The following NPFFR2 variants were observed in gnomAD, a reference collection of about 807,000 sequenced individuals.
NPFFR2 encodes G-protein coupled receptor 74.
In NPFFR2, 15 loss-of-function variants were observed where a neutral mutation model predicts 13.1. That is an observed-to-expected ratio of 1.15 (90% CI 0.77 to 1.76). NPFFR2 has a LOEUF of 1.76. Among genes scored for constraint, NPFFR2 ranks in the 40% most tolerant of loss-of-function variants. The pLI, the probability that NPFFR2 is intolerant of heterozygous loss-of-function variation, is 0.00. For synonymous variants in NPFFR2, 190 were observed against 175.7 expected, an observed-to-expected ratio of 1.08 and a Z score of -0.65; for missense variants, 572 against 503.5, an observed-to-expected ratio of 1.14 and a Z score of -1.30.
chr4:72,034,869 C>A (rs937501728), intron 1 of NPFFR2, among the ~76,000 whole-genome samples: 3 of 152,178 alleles, frequency 2.0e-5, no homozygotes, highest in African/African-American at 7.2e-5. Flanking sequence ...CTATAGCAGA[C>A]AGCTGTTTAG....
chr4:72,077,944 C>A (rs1018638022), intron 1 of NPFFR2, among the ~76,000 whole-genome samples: 1 of 152,024 alleles, frequency 6.6e-6, no homozygotes, highest in Non-Finnish European at 1.5e-5. Context: ...TTTTAAAGGT[C>A]ATTTATGTTG....
chr4:72,129,286 G>A (rs1722164941), intron 2 of NPFFR2, among the ~76,000 whole-genome samples: 1 of 150,220 alleles, frequency 6.7e-6, no homozygotes, highest in Admixed American at 6.6e-5. Flanking sequence ...CGAGAGATTT[G>A]GAAAAGAAAA....
At position 72,067,989 on chromosome 4, in the gene NPFFR2, C is replaced by G. The variant is rs187223049; in HGVS notation, c.-8+35789C>G. Among the ~76,000 whole-genome samples, 343 of 152,296 alleles carry G rather than the reference C, an allele frequency of 2.3e-3. 4 individuals are homozygous for G. Among genetic ancestry groups the G allele is most frequent in the African/African-American group, 7.8e-3 (323 of 41,574 alleles). On this transcript the variant is annotated intron_variant, in intron 1 of 3. Coordinates refer to ENST00000308744, the MANE Select transcript of NPFFR2 (RefSeq NM_004885.3). ...TCTTCTGAGCCCTCATCAGAATCACCCTTAACACTCCATTCATGGCAATAC... is the reference window on the plus strand; with the variant it reads ...TCTTCTGAGCCCTCATCAGAATCACGCTTAACACTCCATTCATGGCAATAC...
intron 1 of NPFFR2, among the ~76,000 whole-genome samples, chr4:72,096,619 A>G (rs1380769997): frequency 6.6e-6 from 1 of 152,116 alleles, no homozygotes; most frequent in Non-Finnish European, 1.5e-5. Context: ...ATCAGTATCA[A>G]CCAAGCCTCT....
chr4:72,116,587 G>GA (rs764125939), intron 1 of NPFFR2, among the ~76,000 whole-genome samples: 14 of 151,686 alleles, frequency 9.2e-5, no homozygotes, highest in African/African-American at 2.7e-4. Context: ...AGTTAAAAAA[G>GA]AAAAAAATAG....
intron 1 of NPFFR2, among the ~76,000 whole-genome samples, chr4:72,088,193 A>T (rs1191216930): frequency 6.6e-6 from 1 of 151,938 alleles, no homozygotes; most frequent in African/African-American, 2.4e-5. Context: ...AGTAAAGTAC[A>T]CATTTTTTTG....
intron 3 of NPFFR2, among the ~76,000 whole-genome samples, chr4:72,145,905 T>G (rs1451199655): frequency 6.6e-6 from 1 of 152,202 alleles, no homozygotes; most frequent in African/African-American, 2.4e-5. Flanking sequence ...TGTGATTATC[T>G]TTTGATTAAC....
chr4:72,071,856 T>G (rs1720266467), intron 1 of NPFFR2, among the ~76,000 whole-genome samples: 1 of 152,080 alleles, frequency 6.6e-6, no homozygotes, highest in Non-Finnish European at 1.5e-5. Flanking sequence ...GCCAATGACT[T>G]CCCCTTCACC....
intron 1 of NPFFR2, among the ~76,000 whole-genome samples, chr4:72,087,371 C>T (rs1720799692): frequency 6.6e-6 from 1 of 152,090 alleles, no homozygotes; most frequent in South Asian, 2.1e-4. Flanking sequence ...ATTTCCATGG[C>T]TCCTACTGTT....
At chr4:72,119,650 A>G (rs770606027) in intron 1 of NPFFR2, among the ~76,000 whole-genome samples, 14 of 152,280 alleles carry the variant, frequency 9.2e-5, no homozygotes, top group Non-Finnish European at 1.8e-4. Context: ...AGGGTGGGGC[A>G]TCACCCCACC....
intron 1 of NPFFR2, among the ~76,000 whole-genome samples, chr4:72,118,096 T>G (rs182709778): frequency 6.6e-6 from 1 of 152,310 alleles, no homozygotes; most frequent in African/African-American, 2.4e-5. Context: ...GAGTGCTTAT[T>G]CTGAATTATG....
intron 1 of NPFFR2, among the ~76,000 whole-genome samples, chr4:72,110,855 AT>A (rs1280201427): frequency 1.3e-5 from 2 of 151,884 alleles, no homozygotes; most frequent in Non-Finnish European, 2.9e-5. Flanking sequence ...TCCTTTAGCA[AT>A]TTCTTCTGCT....
At chr4:72,127,564 C>A (rs1307285553) in intron 1 of NPFFR2, among the ~76,000 whole-genome samples, 2 of 140,580 alleles carry the variant, frequency 1.4e-5, no homozygotes, top group Admixed American at 7.0e-5. Context: ...GGGGTTTCAC[C>A]GTGTTAGCCA....
intron 1 of NPFFR2, among the ~76,000 whole-genome samples, chr4:72,116,098 A>G (rs1157707551): frequency 6.6e-6 from 1 of 152,166 alleles, no homozygotes; most frequent in African/African-American, 2.4e-5. Context: ...TTTCCACTGC[A>G]TATGTTTATT....
Position 72,138,093 on chromosome 4 carries a change from T to C in NPFFR2, c.382T>C (p.Ser128Pro), listed in dbSNP as rs781406055. 1.2e-6 allele frequency: 2 copies of C among 1,613,830 alleles called. No homozygotes were observed. The highest frequency in any genetic ancestry group is 2.2e-5 in the East Asian group (1 of 44,860). The change falls in exon 3 of 4, where the codon TCT (serine) becomes CCT (proline). Residue 128 changes from serine (S) to proline (P), a missense_variant. Coordinates refer to ENST00000308744, the MANE Select transcript of NPFFR2 (RefSeq NM_004885.3). ...GATCAGTGGATTGGTCCAGGGAATATCTGTCGCAGCTTCAGTCTTTACGTT... is the reference window on the plus strand; with the variant it reads ...GATCAGTGGATTGGTCCAGGGAATACCTGTCGCAGCTTCAGTCTTTACGTT... ...CKISGLVQGISVAASVFTLVA... is the reference protein window; with the variant it reads ...CKISGLVQGIPVAASVFTLVA...
intron 1 of NPFFR2, among the ~76,000 whole-genome samples, chr4:72,125,006 T>G (rs143723213): frequency 1.3e-5 from 2 of 151,894 alleles, no homozygotes; most frequent in East Asian, 3.9e-4. Flanking sequence ...TGGGAGAAAA[T>G]TTTTGCAATC....
rs2109812620 is a variant in NPFFR2 at position 72,103,739 on chromosome 4, T to C, written c.-7-24846T>C. 1.3e-5 allele frequency among the ~76,000 whole-genome samples: 2 copies of C among 152,218 alleles called. 1 individual carries two copies. The highest frequency in any genetic ancestry group is 4.1e-4 in the South Asian group (2 of 4,830). On this transcript the variant is annotated intron_variant, in intron 1 of 3. Transcript: ENST00000308744. ...CCATATCATTTCAAAGTTGAACTAA[T>C]AGAAAATGTTACCCATTAATGATTT...
intron 1 of NPFFR2, among the ~76,000 whole-genome samples, chr4:72,037,163 A>C (rs1719059076): frequency 6.6e-6 from 1 of 151,842 alleles, no homozygotes. Flanking sequence ...AGGCAGAGGC[A>C]GGAGGATCGC....
chr4:72,099,875 A>G (rs1285020719), intron 1 of NPFFR2, among the ~76,000 whole-genome samples: 1 of 152,138 alleles, frequency 6.6e-6, no homozygotes, highest in East Asian at 1.9e-4. Flanking sequence ...TGTGTCACAC[A>G]CACACAGAAA....
Sources: gnomAD v4.1 joint callset for allele counts (sites outside exome capture counted in the v4.1 genomes callset) on GRCh38, gnomAD v4.1.1 for gene constraint, MANE v1.5 for transcripts, NCBI Gene and HGNC (gene_info 2026-07-23, HGNC 2026-07-21) for gene names.